The following CNTN5 variants were observed in gnomAD, a reference collection of about 807,000 sequenced individuals.
CNTN5 encodes contactin-5.
In CNTN5, 77 loss-of-function variants were observed where a neutral mutation model predicts 129.1. That is an observed-to-expected ratio of 0.60 (90% CI 0.50 to 0.72). CNTN5 has a LOEUF of 0.72. Among genes scored for constraint, CNTN5 ranks in the 30% least tolerant of loss-of-function variants. CNTN5 has a pLI of 0.00. For missense variants in CNTN5, 1,478 were observed against 1,328.8 expected (o/e 1.11, Z -1.75); for synonymous variants, 509 against 465.6 (o/e 1.09, Z -1.20).
In CNTN5 at chr11:99,774,263, T is replaced by C. The variant is rs574412275; in HGVS notation, c.56-45281T>C. 1.9e-4 allele frequency among the ~76,000 whole-genome samples: 28 copies of C among 150,958 alleles called. No homozygotes were observed. In the East Asian group the frequency reaches 3.7e-3, roughly 20 times the overall value. Reference sequence around the variant, plus strand: ...TGTGGGTAAATCTTCCCAACACTTATCAGAGTGATAAAAAAAAAAAACCAA... The same window carrying C: ...TGTGGGTAAATCTTCCCAACACTTACCAGAGTGATAAAAAAAAAAAACCAA... On this transcript the variant is annotated intron_variant, in intron 3 of 24. Transcript: ENST00000524871.
intron 2 of CNTN5, among the ~76,000 whole-genome samples, chr11:99,392,281 G>A (rs1037030098): frequency 2.0e-5 from 3 of 151,672 alleles, no homozygotes; most frequent in Non-Finnish European, 4.4e-5. Context: ...ATAAGTACTA[G>A]AGTTTTTATT....
At chr11:100,173,353 C>T (rs1429810068) in intron 13 of CNTN5, among the ~76,000 whole-genome samples, 1 of 152,128 alleles carries the variant, frequency 6.6e-6, no homozygotes, top group Non-Finnish European at 1.5e-5. Context: ...AGGCTCCTAG[C>T]ACTCATCCCC....
chr11:99,800,388 G>GT (rs1161143365), intron 3 of CNTN5, among the ~76,000 whole-genome samples: 2 of 152,106 alleles, frequency 1.3e-5, no homozygotes, highest in East Asian at 3.9e-4. Context: ...GTTGAAGTAT[G>GT]TTTCATGTGT....
intron 1 of CNTN5, among the ~76,000 whole-genome samples, chr11:99,178,959 G>A (rs568750474): frequency 6.6e-6 from 1 of 152,102 alleles, no homozygotes; most frequent in East Asian, 1.9e-4. Flanking sequence ...CAACTATGGG[G>A]ACAGGGTTAT....
rs78365038 is a variant in CNTN5 at position 99,624,367 on chromosome 11, A to C, written c.55+68098A>C. On this transcript the variant is annotated intron_variant, in intron 3 of 24. Coordinates refer to ENST00000524871, the MANE Select transcript of CNTN5 (RefSeq NM_014361.4). The stretch of plus-strand genomic sequence containing the variant: ...TAAGTAGTCTCACTGTTGACATTTG[A>C]GCAGTTTAGAAGCTGTCCTTCTAAT... Among the ~76,000 whole-genome samples, 1,014 of 152,140 alleles carry C rather than the reference A, an allele frequency of 6.7e-3. 66 individuals carry two copies. In the East Asian group the frequency reaches 0.17, roughly 25 times the overall value.
chr11:100,157,997 G>A (rs1947314602), intron 13 of CNTN5, among the ~76,000 whole-genome samples: 1 of 151,500 alleles, frequency 6.6e-6, no homozygotes, highest in Non-Finnish European at 1.5e-5. Flanking sequence ...ACCTTGGAGT[G>A]GAGCAGAAAA....
chr11:99,667,239 CCT>C lies in CNTN5; in HGVS notation c.55+110975_55+110976del, dbSNP rs572357040. On this transcript the variant is annotated intron_variant, in intron 3 of 24. Transcript: ENST00000524871. ...TATTTTAAATATTTTACCATGTGTA[CCT>C]CTCTTTTCTCTGTAATTGCTTACAA... Among the ~76,000 whole-genome samples, 48 of 151,786 alleles carry C rather than the reference CCT, an allele frequency of 3.2e-4. 1 individual carries two copies. The South Asian group carries it at 9.0e-3, about 28-fold the overall frequency.
chr11:99,737,410 T>A (rs538640657), intron 3 of CNTN5, among the ~76,000 whole-genome samples: 6 of 152,288 alleles, frequency 3.9e-5, no homozygotes, highest in African/African-American at 9.6e-5. Flanking sequence ...ATACAACATC[T>A]TCTTTCTGAC....
intron 23 of CNTN5, among the ~76,000 whole-genome samples, chr11:100,346,278 T>C (rs577551024): frequency 4.0e-4 from 61 of 152,266 alleles, no homozygotes; most frequent in African/African-American, 1.3e-3. Context: ...ATTACTGGTG[T>C]TACTAAAGAA....
rs2138495528 is a variant in CNTN5 at position 100,189,606 on chromosome 11, T to C, written c.1581-1520T>C. 2.0e-5 allele frequency among the ~76,000 whole-genome samples: 3 copies of C among 152,304 alleles called. 1 individual carries two copies. Among genetic ancestry groups the C allele is most frequent in the Middle Eastern group, 3.4e-3 (1 of 294 alleles). On this transcript the variant is annotated intron_variant, in intron 13 of 24. Coordinates refer to ENST00000524871, the MANE Select transcript of CNTN5 (RefSeq NM_014361.4). ...TCTTACAAGAGGATGCTTGTTTGTT[T>C]ACAAAGAGTATAATTTTTGCTTTCT...
At chr11:99,090,164 A>C (rs1866180276) in intron 1 of CNTN5, among the ~76,000 whole-genome samples, 1 of 152,226 alleles carries the variant, frequency 6.6e-6, no homozygotes, top group Non-Finnish European at 1.5e-5. Flanking sequence ...TTCATATGTC[A>C]CTAATTCTGA....
intron 15 of CNTN5, among the ~76,000 whole-genome samples, chr11:100,217,498 G>T (rs973387506): frequency 5.3e-5 from 8 of 152,104 alleles, no homozygotes; most frequent in Non-Finnish European, 8.8e-5. Context: ...TATAATTCTA[G>T]ACCTTTCCTG....
chr11:99,439,664 C>G (rs1189800736), intron 2 of CNTN5, among the ~76,000 whole-genome samples: 1 of 144,536 alleles, frequency 6.9e-6, no homozygotes, highest in Non-Finnish European at 1.5e-5. Flanking sequence ...GCCAAGATTG[C>G]GCCACTGCAC....
At position 100,350,842 on chromosome 11, in the gene CNTN5, T is replaced by C; in HGVS notation, c.3171T>C (p.Ser1057=). 6.3e-7 allele frequency: 1 copy of C among 1,593,384 alleles called. No individual in the cohort carries two copies. Among genetic ancestry groups the C allele is most frequent in the Non-Finnish European group, 8.6e-7 (1 of 1,168,096 alleles). Residue 1057 remains serine (S), a synonymous_variant, in exon 24 of 25, where the codon AGT becomes AGC. Coordinates refer to ENST00000524871, the MANE Select transcript of CNTN5 (RefSeq NM_014361.4). ...AYSEGGDGTA[S]SQIRVPSYSG... is the part of the protein sequence containing the mutation. ...GTGAAGGAGGAGATGGAACAGCTAG[T>C]TCTCAAATTAGGGTACCATCATATT...
At chr11:99,510,740 C>A (rs530160316) in intron 2 of CNTN5, among the ~76,000 whole-genome samples, 2 of 152,082 alleles carry the variant, frequency 1.3e-5, no homozygotes, top group South Asian at 2.1e-4. Context: ...TATTGGACTG[C>A]CAGTTACATA....
intron 3 of CNTN5, among the ~76,000 whole-genome samples, chr11:99,693,471 G>A (rs1565433617): frequency 6.6e-6 from 1 of 151,934 alleles, no homozygotes; most frequent in East Asian, 2.0e-4. Context: ...GAATTGAGGG[G>A]TTGAAGGATG....
At chr11:99,387,304 C>T (rs551380682) in intron 2 of CNTN5, among the ~76,000 whole-genome samples, 4 of 152,174 alleles carry the variant, frequency 2.6e-5, no homozygotes, top group Admixed American at 6.5e-5. Flanking sequence ...TATCTGTTTT[C>T]AGTACATACG....
intron 3 of CNTN5, among the ~76,000 whole-genome samples, chr11:99,656,368 A>T (rs564634530): frequency 1.2e-4 from 19 of 152,072 alleles, no homozygotes; most frequent in Non-Finnish European, 2.4e-4. Flanking sequence ...AATTTTCCAG[A>T]TCACAAAGTA....
At chr11:99,920,193 T>A (rs2136029962) in intron 7 of CNTN5, among the ~76,000 whole-genome samples, 1 of 152,286 alleles carries the variant, frequency 6.6e-6, no homozygotes. Flanking sequence ...TAAAACACTA[T>A]TTTCACTTAG....
Sources: gnomAD v4.1 joint callset for allele counts (sites outside exome capture counted in the v4.1 genomes callset) on GRCh38, gnomAD v4.1.1 for gene constraint, MANE v1.5 for transcripts, NCBI Gene and HGNC (gene_info 2026-07-23, HGNC 2026-07-21) for gene names.